Variants in ATRNL1 observed in about 807,000 individuals in gnomAD.
The protein encoded by ATRNL1 is attractin-like protein 1.
In ATRNL1, 95 loss-of-function variants were observed where a neutral mutation model predicts 182.7. The observed-to-expected ratio is 0.52, with a 90% CI of 0.44 to 0.62. The LOEUF (loss-of-function observed/expected upper bound fraction) is 0.62, where lower values mean the gene tolerates loss of function less well. Ranked by LOEUF, ATRNL1 falls within the 20% of genes least tolerant of loss-of-function variation. The probability of loss-of-function intolerance (pLI) is 0.00; values close to 1 mark genes in which losing one functional copy is unlikely to be tolerated. For synonymous variants in ATRNL1, 576 were observed against 568.3 expected, an observed-to-expected ratio of 1.01 and a Z score of -0.19; for missense variants, 1,471 against 1,679.5, an observed-to-expected ratio of 0.88 and a Z score of 2.17.
At chr10:115,359,758 A>T (rs1373970424) in intron 19 of ATRNL1, among the ~76,000 whole-genome samples, 1 of 151,640 alleles carries the variant, frequency 6.6e-6, no homozygotes, top group African/African-American at 2.4e-5. Context: ...GAAGATAAAT[A>T]GAATCTTGAT....
At chr10:115,096,550 C>T (rs1336596477) in intron 1 of ATRNL1, 2 of 687,948 alleles carry the variant, frequency 2.9e-6, no homozygotes, top group Non-Finnish European at 4.5e-6. Context: ...AGCAACCTTA[C>T]AAACAGACAT....
chr10:115,195,574 T>C (rs1554890840), intron 8 of ATRNL1, among the ~76,000 whole-genome samples: 1 of 152,094 alleles, frequency 6.6e-6, no homozygotes, highest in East Asian at 1.9e-4. Context: ...TTATATACCT[T>C]GAAGTAGGTA....
At chr10:115,807,171 A>G (rs530465357) in intron 27 of ATRNL1, among the ~76,000 whole-genome samples, 103 of 147,214 alleles carry the variant, frequency 7.0e-4, no homozygotes, top group African/African-American at 2.3e-3. Flanking sequence ...GCAGTGGTGT[A>G]GTGGCATGAT....
intron 26 of ATRNL1, among the ~76,000 whole-genome samples, chr10:115,568,970 G>C (rs1195177861): frequency 1.3e-5 from 2 of 151,640 alleles, no homozygotes; most frequent in East Asian, 1.9e-4. Context: ...ATATATTTCT[G>C]TATTTCGTTA....
intron 22 of ATRNL1, 33 bp from the exon 23 acceptor site, chr10:115,467,141 G>A (rs782561409): frequency 3.5e-5 from 51 of 1,467,372 alleles, no homozygotes; most frequent in South Asian, 1.2e-4. Context: ...TGTAATTTTC[G>A]TTTTTTAACC....
intron 26 of ATRNL1, among the ~76,000 whole-genome samples, chr10:115,650,243 C>T (rs1207246922): frequency 2.0e-5 from 3 of 151,996 alleles, no homozygotes; most frequent in Admixed American, 6.6e-5. Flanking sequence ...GACCTTCTTC[C>T]CAATATGTTC....
chr10:115,589,107 A>C (rs1190379580), intron 26 of ATRNL1, among the ~76,000 whole-genome samples: 1 of 152,190 alleles, frequency 6.6e-6, no homozygotes, highest in Non-Finnish European at 1.5e-5. Context: ...GCATACCTCA[A>C]TGGTTTGTGA....
chr10:115,255,986 C>T (rs1331781720), intron 10 of ATRNL1, among the ~76,000 whole-genome samples: 1 of 152,174 alleles, frequency 6.6e-6, no homozygotes, highest in African/African-American at 2.4e-5. Flanking sequence ...AGGGATAAAG[C>T]TGACTTGATC....
intron 28 of ATRNL1, among the ~76,000 whole-genome samples, chr10:115,917,561 G>A (rs1160085472): frequency 3.3e-5 from 5 of 151,326 alleles, no homozygotes; most frequent in South Asian, 4.2e-4. Flanking sequence ...CGAGCAAAAC[G>A]TCTGCTCACT....
At chr10:115,226,860 T>A (rs1554898768) in intron 9 of ATRNL1, among the ~76,000 whole-genome samples, 1 of 152,080 alleles carries the variant, frequency 6.6e-6, no homozygotes, top group African/African-American at 2.4e-5. Flanking sequence ...TGATGCTGGA[T>A]AACTGGCTAG....
intron 21 of ATRNL1, among the ~76,000 whole-genome samples, chr10:115,443,770 C>T (rs1474223962): frequency 6.6e-6 from 1 of 151,994 alleles, no homozygotes; most frequent in Non-Finnish European, 1.5e-5. Flanking sequence ...GCCCCATCTC[C>T]GTATCCCTTG....
rs72826808 is a variant in ATRNL1 at position 115,682,692 on chromosome 10, T to C, written c.3796-44556T>C. On this transcript the variant is annotated intron_variant, in intron 26 of 28. Transcript: ENST00000355044. ...CATATGATGATGATGATGATGATGATGATGATGATAGAAGAGCCAGCCAGT... is the reference window on the plus strand; with the variant it reads ...CATATGATGATGATGATGATGATGACGATGATGATAGAAGAGCCAGCCAGT... Among the ~76,000 whole-genome samples, 13 of 152,150 alleles carry C rather than the reference T, an allele frequency of 8.5e-5. No individual in the cohort carries two copies. The East Asian group carries it at 2.3e-3, about 27-fold the overall frequency.
At chr10:115,810,371 C>T (rs1431245194) in intron 27 of ATRNL1, among the ~76,000 whole-genome samples, 1 of 151,878 alleles carries the variant, frequency 6.6e-6, no homozygotes, top group Non-Finnish European at 1.5e-5. Context: ...TTATGTCGTC[C>T]TCAAATGTAT....
At chr10:115,872,108 T>C (rs1951599259) in intron 28 of ATRNL1, among the ~76,000 whole-genome samples, 1 of 152,248 alleles carries the variant, frequency 6.6e-6, no homozygotes, top group Non-Finnish European at 1.5e-5. Context: ...GGTTATCATC[T>C]ATGGTTAAAT....
intron 25 of ATRNL1, among the ~76,000 whole-genome samples, chr10:115,534,745 C>T (rs1168041581): frequency 2.1e-3 from 314 of 151,194 alleles, no homozygotes; most frequent in African/African-American, 6.7e-3. Flanking sequence ...CAGCTGGTAC[C>T]GGTTGTTCCT....
In ATRNL1 at chr10:115,143,995, T is replaced by C. The variant is rs201045069; in HGVS notation, c.829+14460T>C. ...ATTTTTTTTGTTTCTTTTTTTTTTT[T>C]TTTGAGACAGAGTCTTTCACTGCCG... On this transcript the variant is annotated intron_variant, in intron 5 of 28. Coordinates refer to ENST00000355044, the MANE Select transcript of ATRNL1 (RefSeq NM_207303.4). 2.1e-3 allele frequency among the ~76,000 whole-genome samples: 315 copies of C among 151,796 alleles called. 10 individuals are homozygous for C. The East Asian group carries it at 0.052, about 25-fold the overall frequency.
chr10:115,114,117 G>C (rs1844377216), intron 1 of ATRNL1, among the ~76,000 whole-genome samples: 1 of 152,120 alleles, frequency 6.6e-6, no homozygotes, highest in African/African-American at 2.4e-5. Context: ...GCTGTCCACT[G>C]ATTTTCAACA....
At chr10:115,502,413 A>G (rs545934028) in intron 24 of ATRNL1, among the ~76,000 whole-genome samples, 21 of 152,306 alleles carry the variant, frequency 1.4e-4, no homozygotes, top group Non-Finnish European at 2.8e-4. Flanking sequence ...ATTGTAAAAT[A>G]AGTTATTCAT....
At chr10:115,306,404 C>T (rs1853733766) in intron 17 of ATRNL1, among the ~76,000 whole-genome samples, 1 of 152,104 alleles carries the variant, frequency 6.6e-6, no homozygotes, top group South Asian at 2.1e-4. Context: ...TGTGGAACAT[C>T]TTTTTTATCC....
Sources: allele counts gnomAD v4.1 joint callset (sites outside exome capture counted in the v4.1 genomes callset), GRCh38; gene constraint gnomAD v4.1.1; transcripts MANE v1.5; gene names NCBI Gene and HGNC (gene_info 2026-07-23, HGNC 2026-07-21).